The following SIL1 variants were observed in gnomAD, a reference collection of about 807,000 sequenced individuals.
SIL1 encodes the protein nucleotide exchange factor SIL1.
Under a neutral mutation model 49.1 loss-of-function variants are expected in SIL1, and 40 were observed. The ratio of observed to expected loss-of-function variants is 0.81; its 90% CI spans 0.63 to 1.06. SIL1 has a LOEUF of 1.06. Among genes scored for constraint, SIL1 ranks in the 50% least tolerant of loss-of-function variants. The pLI is 0.00. For missense variants in SIL1, 500 were observed against 572.6 expected (o/e 0.87, Z 1.29); for synonymous variants, 253 against 250.8 (o/e 1.01, Z -0.08).
chr5:139,122,729 AT>A (rs1418379950), intron 2 of SIL1, among the ~76,000 whole-genome samples: 1 of 152,156 alleles, frequency 6.6e-6, no homozygotes, highest in East Asian at 1.9e-4. Flanking sequence ...CCCTCCAAGA[AT>A]TTTTACATTT....
chr5:139,135,552 T>C (rs971136549), intron 1 of SIL1, among the ~76,000 whole-genome samples: 2 of 152,082 alleles, frequency 1.3e-5, no homozygotes, highest in African/African-American at 4.8e-5. Flanking sequence ...AATAGGCACC[T>C]GGAAGGAAGA....
chr5:139,105,217 T>C (rs1245173883), intron 3 of SIL1, among the ~76,000 whole-genome samples: 2 of 152,082 alleles, frequency 1.3e-5, no homozygotes, highest in Non-Finnish European at 2.9e-5. Flanking sequence ...GGGGGCGATA[T>C]GTGGGGAAGG....
At chr5:139,158,083 A>G (rs1673719540) in intron 1 of SIL1, among the ~76,000 whole-genome samples, 2 of 152,156 alleles carry the variant, frequency 1.3e-5, no homozygotes, top group South Asian at 4.1e-4. Flanking sequence ...CGTCATAGGA[A>G]CCATCATTAT....
At chr5:139,088,439 C>A (rs1241635385) in intron 3 of SIL1, among the ~76,000 whole-genome samples, 1 of 152,234 alleles carries the variant, frequency 6.6e-6, no homozygotes, top group East Asian at 1.9e-4. Context: ...CAGAGTGTAA[C>A]TTCTGATGCC....
intron 7 of SIL1, among the ~76,000 whole-genome samples, chr5:139,018,854 C>A (rs1768458304): frequency 6.6e-6 from 1 of 152,080 alleles, no homozygotes; most frequent in Non-Finnish European, 1.5e-5. Flanking sequence ...TTATGAAATG[C>A]AGAGAACACC....
rs78545247 is a variant in SIL1 at position 139,087,449 on chromosome 5, C to T, written c.244+33586G>A. Among the ~76,000 whole-genome samples the T allele has an allele frequency of 5.9e-3, 904 of 152,148 alleles. 3 individuals are homozygous for T. The highest frequency in any genetic ancestry group is 0.02 in the African/African-American group (841 of 41,502). On this transcript the variant is annotated intron_variant, in intron 3 of 9. Transcript: ENST00000394817. ...ATCCCAGCTACTTAGGAGGCGGAGG[C>T]GGGAGAACTGCTTGAGCCCAGGAGT...
chr5:139,048,369 G>GTTTTTTTTTTTTTTTTT (rs35482601), intron 4 of SIL1, among the ~76,000 whole-genome samples: 4 of 87,774 alleles, frequency 4.6e-5, no homozygotes, highest in Non-Finnish European at 6.7e-5. Flanking sequence ...TTTGTTGTTG[G>GTTTTTTTTTTTTTTTTT]TTTTTTTTTT....
chr5:139,146,238 G>T (rs569350154), intron 1 of SIL1, among the ~76,000 whole-genome samples: 12 of 152,192 alleles, frequency 7.9e-5, no homozygotes, highest in Non-Finnish European at 1.8e-4. Context: ...TTGGGTACAT[G>T]AATACATTAT....
In SIL1 at chr5:139,023,410, A is replaced by C. The variant is rs561455075; in HGVS notation, c.646-2118T>G. Among the ~76,000 whole-genome samples, 1,055 of 152,314 alleles carry C rather than the reference A, an allele frequency of 6.9e-3. 12 individuals carry two copies. The highest frequency in any genetic ancestry group is 0.02 in the African/African-American group (812 of 41,590). ...ACACCCTGGAGGAAAGGAAAGAAGC[A>C]GGGCACTGATAAGACAATGAGAGAA... On this transcript the variant is annotated intron_variant, in intron 6 of 9. Coordinates refer to ENST00000394817, the MANE Select transcript of SIL1 (RefSeq NM_022464.5).
chr5:139,107,917 G>A (rs1322473778), intron 3 of SIL1: 4 of 152,134 alleles, frequency 2.6e-5, no homozygotes, highest in African/African-American at 9.7e-5. Flanking sequence ...AATCTTTACT[G>A]TAATTAAGTA....
At chr5:139,050,830 A>G (rs1769268442) in intron 4 of SIL1, 108 bp downstream of exon 4, 1 of 906,822 alleles carries the variant, frequency 1.1e-6, no homozygotes, top group Admixed American at 1.9e-5. Flanking sequence ...CTATGCTATT[A>G]AATTTCAAAT....
intron 3 of SIL1, among the ~76,000 whole-genome samples, chr5:139,062,911 G>A (rs1769626265): frequency 6.6e-6 from 1 of 152,210 alleles, no homozygotes; most frequent in South Asian, 2.1e-4. Flanking sequence ...GCACTGGGAA[G>A]TATACTGGGA....
intron 1 of SIL1, among the ~76,000 whole-genome samples, chr5:139,150,815 G>A (rs1406558362): frequency 6.6e-6 from 1 of 152,108 alleles, no homozygotes; most frequent in Non-Finnish European, 1.5e-5. Flanking sequence ...AACACTTTGG[G>A]AGCCTAGCCC....
chr5:139,114,437 G>A (rs1392828783), intron 3 of SIL1, among the ~76,000 whole-genome samples: 1 of 152,124 alleles, frequency 6.6e-6, no homozygotes, highest in Non-Finnish European at 1.5e-5. Flanking sequence ...TTCTCTCCCA[G>A]TACAGGATAA....
intron 3 of SIL1, among the ~76,000 whole-genome samples, chr5:139,079,233 A>G (rs1770019354): frequency 6.6e-6 from 1 of 152,124 alleles, no homozygotes; most frequent in South Asian, 2.1e-4. Flanking sequence ...CTTGCAGCAA[A>G]GGCCCCTTTG....
At chr5:139,168,899 C>T (rs1349876935) in intron 1 of SIL1, among the ~76,000 whole-genome samples, 1 of 150,388 alleles carries the variant, frequency 6.6e-6, no homozygotes, top group East Asian at 2.0e-4. Flanking sequence ...GAAGTTAAGG[C>T]TGTAGTGACT....
At chr5:139,112,959 T>C (rs1770901880) in intron 3 of SIL1, among the ~76,000 whole-genome samples, 1 of 152,250 alleles carries the variant, frequency 6.6e-6, no homozygotes, top group African/African-American at 2.4e-5. Flanking sequence ...CTAAGAAAGA[T>C]TCTTCTGCCT....
Position 138,947,142 on chromosome 5 carries a change from T to C in SIL1, c.1361A>G (p.Asn454Ser), listed in dbSNP as rs1766647450. 1 of 1,613,518 alleles carries C rather than the reference T, an allele frequency of 6.2e-7. No homozygotes were observed. Among genetic ancestry groups the C allele is most frequent in the Non-Finnish European group, 8.5e-7 (1 of 1,179,778 alleles). Reference sequence around the variant, plus strand: ...TCATCTCAGCTCCTTCAGCAAGCTGTTGACAGAGCCCAGCAGCTCCTGGAA... The same window carrying C: ...TCATCTCAGCTCCTTCAGCAAGCTGCTGACAGAGCCCAGCAGCTCCTGGAA... ...GYFQELLGSV[N>S]SLLKELR is the part of the protein sequence containing the mutation. The change falls in exon 10 of 10, where the codon AAC becomes AGC. Residue 454 changes from asparagine to serine, a missense_variant. Physicochemically the swap from Asn to Ser is conservative, Grantham distance 46 (BLOSUM62 1). Coordinates refer to ENST00000394817, the MANE Select transcript of SIL1 (RefSeq NM_022464.5). This position sits in a 1 kb window ranked among gnomAD's most constrained non-coding sequence, Gnocchi z 4.1.
chr5:139,157,669 G>A (rs552741326), intron 1 of SIL1, among the ~76,000 whole-genome samples: 192 of 152,282 alleles, frequency 1.3e-3, no homozygotes, highest in Middle Eastern at 6.8e-3. Context: ...TCAAAATGCA[G>A]GTGGAGAAAC....
Sources: allele counts gnomAD v4.1 joint callset (sites outside exome capture counted in the v4.1 genomes callset), GRCh38; gene constraint gnomAD v4.1.1; non-coding constraint Gnocchi (gnomAD v3.1); transcripts MANE v1.5; gene names NCBI Gene and HGNC (gene_info 2026-07-23, HGNC 2026-07-21).